ZDHHC24: variants seen among roughly 807,000 people sequenced by gnomAD.
ZDHHC24 encodes probable palmitoyltransferase ZDHHC24.
Under a neutral mutation model 23.2 loss-of-function variants are expected in ZDHHC24, and 17 were observed. The ratio of observed to expected loss-of-function variants is 0.73; its 90% CI spans 0.50 to 1.10. ZDHHC24 has a LOEUF of 1.10. Ranked by LOEUF, ZDHHC24 falls within the 50% of genes least tolerant of loss-of-function variation. The pLI, the probability that ZDHHC24 is intolerant of heterozygous loss-of-function variation, is 0.00. For missense variants in ZDHHC24, 366 were observed against 393.0 expected (o/e 0.93, Z 0.58); for synonymous variants, 186 against 194.5 (o/e 0.96, Z 0.36).
In ZDHHC24 at chr11:66,523,438, GTGT is replaced by G; in HGVS notation, c.*22-1975_*22-1973del. 2 of 1,614,138 alleles carry G rather than the reference GTGT, an allele frequency of 1.2e-6. No homozygotes were observed. Among genetic ancestry groups the G allele is most frequent in the Non-Finnish European group, 1.7e-6 (2 of 1,180,008 alleles). ...GAGGATTTCTCTGGGGCCAGACAGT[GTGT>G]TGTTTATTCCACAGAGACTCCAAGC... On this transcript the variant is annotated intron_variant, in intron 4 of 4. Transcript: ENST00000526986.
intron 4 of ZDHHC24, chr11:66,526,690 T>C: frequency 6.2e-7 from 1 of 1,614,132 alleles, no homozygotes; most frequent in Non-Finnish European, 8.5e-7. Context: ...TACAGCAGTG[T>C]TTGTAGAGGG....
intron 4 of ZDHHC24, among the ~76,000 whole-genome samples, chr11:66,525,036 T>A (rs1267221366): frequency 6.6e-6 from 1 of 151,850 alleles, no homozygotes; most frequent in Non-Finnish European, 1.5e-5. Flanking sequence ...CCGTCTCTAC[T>A]AAAAATACAA....
intron 2 of ZDHHC24, among the ~76,000 whole-genome samples, chr11:66,540,477 C>G (rs1425801795): frequency 1.3e-5 from 2 of 149,708 alleles, no homozygotes; most frequent in African/African-American, 4.9e-5. Flanking sequence ...TGCCTGTAAT[C>G]CCAGTATTTT....
At chr11:66,543,107 G>A (rs1453750633) in intron 2 of ZDHHC24, among the ~76,000 whole-genome samples, 1 of 152,156 alleles carries the variant, frequency 6.6e-6, no homozygotes, top group Non-Finnish European at 1.5e-5. Flanking sequence ...AGAACAAAGA[G>A]TAAAAAGGAC....
chr11:66,540,732 C>A (rs1459298847), intron 2 of ZDHHC24, among the ~76,000 whole-genome samples: 2 of 151,028 alleles, frequency 1.3e-5, no homozygotes, highest in Admixed American at 1.3e-4. Flanking sequence ...AAAAAAAAAG[C>A]CATTCTCAGT....
chr11:66,521,313 A>T, exon 5 of ZDHHC24: 1 of 1,614,238 alleles, frequency 6.2e-7, no homozygotes, highest in Non-Finnish European at 8.5e-7. Context: ...GTTTCTGGCC[A>T]GTTTGATGTT....
rs1347618686 is a variant in ZDHHC24 at position 66,536,559 on chromosome 11, A to G, written c.*2970T>C. ...TCCATCTCGAAAAATAAAACAAAAC[A>G]CACAAAAAAACATGAAAATAAGATA... On this transcript the variant is annotated 3_prime_UTR_variant, in exon 3 of 3. Coordinates refer to ENST00000310442, the MANE Select transcript of ZDHHC24 (RefSeq NM_207340.3). 1 of 152,700 alleles carries G rather than the reference A, an allele frequency of 6.5e-6. No homozygotes were observed. Among genetic ancestry groups the G allele is most frequent in the East Asian group, 2.0e-4 (1 of 5,070 alleles). 9.5% of individuals were successfully genotyped at this position (152,700 alleles called of 1,614,324 possible).
At position 66,539,339 on chromosome 11, in the gene ZDHHC24, C is replaced by T; in HGVS notation, c.*190G>A. Reference sequence around the variant, plus strand: ...GCAGCCCCTGCCAGACCCTCCTCTGCACTCCTCTGCCTAAGTCACGGCCCA... The same window carrying T: ...GCAGCCCCTGCCAGACCCTCCTCTGTACTCCTCTGCCTAAGTCACGGCCCA... On this transcript the variant is annotated 3_prime_UTR_variant, in exon 3 of 3. Transcript: ENST00000310442. 1.5e-6 allele frequency: 2 copies of T among 1,305,944 alleles called. No homozygotes were observed. Among genetic ancestry groups the T allele is most frequent in the Non-Finnish European group, 1.9e-6 (2 of 1,031,140 alleles). The allele number at this position is 1,305,944 out of a possible 1,614,324, so 80.9% of individuals were successfully genotyped here.
At chr11:66,528,284 C>T (rs1176133487) in intron 3 of ZDHHC24, among the ~76,000 whole-genome samples, 2 of 152,174 alleles carry the variant, frequency 1.3e-5, no homozygotes, top group Non-Finnish European at 2.9e-5. Context: ...AAAAGACCAC[C>T]TTCAAGAATG....
rs749353943 is a variant in ZDHHC24, at chr11:66,543,778, G to T, written c.485C>A (p.Ser162Ter). ...HVSVLLGPALSALLRAHTPLH... is the reference protein window; with the variant it reads ...HVSVLLGPAL ...GGGCGTGTGGGCTCGCAGCAGGGCC[G>T]ACAGTGCAGGGCCCAGCAGCACAGA... Residue 162 changes from serine to a stop codon, truncating the protein, a stop_gained, in exon 2 of 3, where the codon TCG (serine) becomes TAG (stop). Transcript: ENST00000310442. LOFTEE classifies it high-confidence loss of function. 7 of 1,610,952 alleles carry T rather than the reference G, an allele frequency of 4.3e-6. No homozygotes were observed. Among genetic ancestry groups the T allele is most frequent in the South Asian group, 1.1e-5 (1 of 90,836 alleles).
At chr11:66,531,137 C>T, downstream of ZDHHC24, 1 of 1,458,696 alleles carries the variant, frequency 6.9e-7, no homozygotes, top group Non-Finnish European at 9.4e-7. Flanking sequence ...CGGGTGGCTG[C>T]CAGGTGGCCA....
At chr11:66,526,000 C>T (rs1856471956) in intron 4 of ZDHHC24, 12 of 805,860 alleles carry the variant, frequency 1.5e-5, no homozygotes, top group Non-Finnish European at 2.4e-5. Context: ...TCAGAGGCAG[C>T]GATTCCCCAG....
At chr11:66,530,502 T>C (rs1856729550) in intron 2 of ZDHHC24, among the ~76,000 whole-genome samples, 1 of 152,192 alleles carries the variant, frequency 6.6e-6, no homozygotes, top group Non-Finnish European at 1.5e-5. Context: ...TTCTGAGTTC[T>C]CTTTTCCTAA....
chr11:66,539,376 CGTA>C lies in ZDHHC24; in HGVS notation c.*150_*152del, dbSNP rs1221240172. 1 of 1,367,898 alleles carries C rather than the reference CGTA, an allele frequency of 7.3e-7. No homozygotes were observed. The highest frequency in any genetic ancestry group is 1.5e-5 in the African/African-American group (1 of 67,168). The allele number at this position is 1,367,898 out of a possible 1,614,324, so 84.7% of individuals were successfully genotyped here. The stretch of plus-strand genomic sequence containing the variant: ...TAAGTCACGGCCCAAGCCCTGGACA[CGTA>C]GGAGTGTAGGCGGGCAGGGGCAAGG... On this transcript the variant is annotated 3_prime_UTR_variant, in exon 3 of 3. Transcript: ENST00000310442.
chr11:66,527,064 G>A (rs1048184250), intron 3 of ZDHHC24: 81 of 1,509,986 alleles, frequency 5.4e-5, no homozygotes, highest in South Asian at 1.2e-4. Context: ...ACTTCCAAAC[G>A]CAGGAATTCT....
chr11:66,546,007 C>G lies in ZDHHC24; in HGVS notation c.-4G>C. On this transcript the variant is annotated 5_prime_UTR_variant, in exon 1 of 3. Transcript: ENST00000310442. ...CAGCCGCCCAGGGCTGCCCCATGGC[C>G]TGGACACCCAGCTGTCGGAGCCGGA... The G allele has an allele frequency of 7.2e-7, 1 of 1,388,690 alleles. No homozygotes were observed. Among genetic ancestry groups the G allele is most frequent in the South Asian group, 1.6e-5 (1 of 61,470 alleles). The allele number at this position is 1,388,690 out of a possible 1,614,324, so 86.0% of individuals were successfully genotyped here. A position where few individuals can be genotyped will look rare whatever the true frequency, so the allele number is the denominator to read the frequency against.
downstream of ZDHHC24, chr11:66,531,944 T>G: frequency 6.3e-7 from 1 of 1,583,028 alleles, no homozygotes; most frequent in African/African-American, 1.3e-5. Context: ...TGGCCACTCC[T>G]CCATAGGTGC....
chr11:66,530,016 C>T, intron 2 of ZDHHC24: 2 of 1,549,466 alleles, frequency 1.3e-6, no homozygotes, highest in South Asian at 2.3e-5. Context: ...CGCAGGAACC[C>T]CTCTGCCACA....
chr11:66,529,340 C>CTGA (rs1239987094), exon 3 of ZDHHC24: 14 of 1,534,100 alleles, frequency 9.1e-6, no homozygotes, highest in Middle Eastern at 1.7e-4. Context: ...AGCATTGAGC[C>CTGA]TGAGGTGTTG....
Sources: allele counts gnomAD v4.1 joint callset (sites outside exome capture counted in the v4.1 genomes callset), GRCh38; gene constraint gnomAD v4.1.1; transcripts MANE v1.5; gene names NCBI Gene and HGNC (gene_info 2026-07-23, HGNC 2026-07-21).